CAPZA1: variants seen among roughly 807,000 people sequenced by gnomAD.
CAPZA1 encodes F-actin-capping protein subunit alpha-1.
A neutral mutation model predicts 40.8 loss-of-function variants in CAPZA1; 10 were observed. That is an observed-to-expected ratio of 0.25 (90% CI 0.15 to 0.42). The LOEUF (loss-of-function observed/expected upper bound fraction) is 0.42, where lower values mean the gene tolerates loss of function less well. CAPZA1 is among the 10% of genes least tolerant of loss of function. The probability of loss-of-function intolerance (pLI) is 1.00; values close to 1 mark genes in which losing one functional copy is unlikely to be tolerated. For missense variants in CAPZA1, 277 were observed against 353.8 expected, an observed-to-expected ratio of 0.78 and a Z score of 1.74; for synonymous variants, 98 against 115.0, an observed-to-expected ratio of 0.85 and a Z score of 0.95.
chr1:112,657,891 C>T (rs1038771918), intron 5 of CAPZA1, among the ~76,000 whole-genome samples: 1 of 152,158 alleles, frequency 6.6e-6, no homozygotes, highest in African/African-American at 2.4e-5. Context: ...TGCACCCAGC[C>T]CCCTAATTAT....
chr1:112,638,700 T>G (rs887769443), intron 1 of CAPZA1, among the ~76,000 whole-genome samples: 1 of 151,794 alleles, frequency 6.6e-6, no homozygotes, highest in Non-Finnish European at 1.5e-5. Flanking sequence ...TTTGGGAGAC[T>G]GAAGCAGGTG....
chr1:112,643,515 T>C (rs1356874892), intron 1 of CAPZA1, among the ~76,000 whole-genome samples: 1 of 152,214 alleles, frequency 6.6e-6, no homozygotes, highest in Admixed American at 6.5e-5. Flanking sequence ...CTTCCAAGTC[T>C]TAAAAAATGT....
At chr1:112,625,605 T>C (rs189770047) in intron 1 of CAPZA1, among the ~76,000 whole-genome samples, 41 of 152,328 alleles carry the variant, frequency 2.7e-4, no homozygotes, top group African/African-American at 9.6e-4. Context: ...CTGGAAGGGA[T>C]AAGCAGTGAT....
chr1:112,662,395 C>CTTTTTTTTTTTTTTTTT (rs35100851), intron 7 of CAPZA1, among the ~76,000 whole-genome samples: 5 of 97,260 alleles, frequency 5.1e-5, no homozygotes, highest in Non-Finnish European at 9.6e-5. Flanking sequence ...TAGAATTTTT[C>CTTTTTTTTTTTTTTTTT]TTTTTTTTTT....
At chr1:112,658,302 C>T (rs1476377062) in intron 5 of CAPZA1, among the ~76,000 whole-genome samples, 1 of 152,102 alleles carries the variant, frequency 6.6e-6, no homozygotes, top group East Asian at 1.9e-4. Context: ...TTGTTAATGA[C>T]ACCACCATCT....
At chr1:112,666,741 T>C (rs1431567123) in intron 7 of CAPZA1, among the ~76,000 whole-genome samples, 1 of 152,234 alleles carries the variant, frequency 6.6e-6, no homozygotes, top group East Asian at 1.9e-4. Context: ...GTTTAATAAC[T>C]TTAATTATTT....
intron 8 of CAPZA1, among the ~76,000 whole-genome samples, chr1:112,668,814 A>C (rs1380909634): frequency 6.6e-6 from 1 of 152,216 alleles, no homozygotes; most frequent in Non-Finnish European, 1.5e-5. Flanking sequence ...AAAGTGATAA[A>C]GTCATCACAC....
chr1:112,668,007 C>T (rs192510212), intron 8 of CAPZA1, among the ~76,000 whole-genome samples: 58 of 151,792 alleles, frequency 3.8e-4, no homozygotes, highest in African/African-American at 1.2e-3. Flanking sequence ...AAGTGTGGGC[C>T]GGGAGTGGTG....
At chr1:112,658,931 C>T (rs566163526) in intron 5 of CAPZA1, 91 bp from the exon 6 acceptor site, 76 of 923,182 alleles carry the variant, frequency 8.2e-5, no homozygotes, top group Non-Finnish European at 1.3e-4. Context: ...TTTGTCTCCC[C>T]CAAGGATTTA....
intron 8 of CAPZA1, among the ~76,000 whole-genome samples, chr1:112,668,996 G>T (rs914121122): frequency 6.6e-6 from 1 of 152,162 alleles, no homozygotes; most frequent in Non-Finnish European, 1.5e-5. Context: ...CTTTAATTCT[G>T]TTGTACTTAA....
chr1:112,648,837 C>T (rs566584736), intron 2 of CAPZA1, among the ~76,000 whole-genome samples: 39 of 152,096 alleles, frequency 2.6e-4, no homozygotes, highest in East Asian at 5.8e-4. Flanking sequence ...GTGGCAGGTG[C>T]GTGTAATCCC....
At position 112,659,916 on chromosome 1, in the gene CAPZA1, C is replaced by T. The variant is rs548862836; in HGVS notation, c.585+137C>T. ...GGCAGTGAATAGAAATAGAAGCCTCCTTCTTGGGGTGGTAAACAGAGAGAG... is the reference window on the plus strand; with the variant it reads ...GGCAGTGAATAGAAATAGAAGCCTCTTTCTTGGGGTGGTAAACAGAGAGAG... On this transcript the variant is annotated intron_variant, in intron 7 of 9. Transcript: ENST00000263168. 320 of 652,304 alleles carry T rather than the reference C, an allele frequency of 4.9e-4. 5 individuals carry two copies. The highest frequency in any genetic ancestry group is 4.6e-3 in the South Asian group (246 of 53,648). 40.4% of individuals were successfully genotyped at this position (652,304 alleles called of 1,614,324 possible). A position where few individuals can be genotyped will look rare whatever the true frequency, so the allele number is the denominator to read the frequency against.
At position 112,662,168 on chromosome 1, in the gene CAPZA1, G is replaced by T. The variant is rs116763322; in HGVS notation, c.585+2389G>T. On this transcript the variant is annotated intron_variant, in intron 7 of 9. Transcript: ENST00000263168. ...TCTGTCACCTAGGCTGGAGTGCAGT[G>T]GTGCTTTCATAGCTCACTGCAACCT... Among the ~76,000 whole-genome samples the T allele has an allele frequency of 8.6e-3, 1,304 of 152,086 alleles. 12 individuals carry two copies. Among genetic ancestry groups the T allele is most frequent in the Non-Finnish European group, 0.014 (974 of 67,990 alleles).
rs1443474007 is a variant in CAPZA1, at chr1:112,663,655, C to T, written c.586-3419C>T. On this transcript the variant is annotated intron_variant, in intron 7 of 9. Coordinates refer to ENST00000263168, the MANE Select transcript of CAPZA1 (RefSeq NM_006135.3). ...TAGCTGGGATTACAGGCACCTGCCA[C>T]CATGCCTGCCTAATTTTTTTTGTAT... Among the ~76,000 whole-genome samples, 3 of 152,062 alleles carry T rather than the reference C, an allele frequency of 2.0e-5. No individual in the cohort carries two copies. In the East Asian group the frequency reaches 5.8e-4, roughly 30 times the overall value.
In CAPZA1 at chr1:112,667,128, G is replaced by A; in HGVS notation, c.640G>A (p.Asp214Asn). Residue 214 changes from aspartate to asparagine, a missense_variant, in exon 8 of 10, where the codon GAT (aspartate) becomes AAT (asparagine). Transcript: ENST00000263168. ...GTTGGTTAGTCATAAAGATGTACAG[G>A]ATTCACTAACTGTTTCGGTGAGTAT... ...VQLVSHKDVQDSLTVSNEAQT... is the reference protein window; with the variant it reads ...VQLVSHKDVQNSLTVSNEAQT... 6.2e-7 allele frequency: 1 copy of A among 1,609,142 alleles called. No individual in the cohort carries two copies. The highest frequency in any genetic ancestry group is 8.5e-7 in the Non-Finnish European group (1 of 1,176,504).
At chr1:112,654,699 G>A (rs1168558542) in intron 5 of CAPZA1, 28 bp downstream of exon 5, 1 of 1,480,502 alleles carries the variant, frequency 6.8e-7, no homozygotes, top group Non-Finnish European at 9.2e-7. Context: ...TTCGTTATCA[G>A]AGAGTGTTTT....
At chr1:112,669,498 C>G in intron 8 of CAPZA1, 45 bp from the exon 9 acceptor site, 1 of 1,326,822 alleles carries the variant, frequency 7.5e-7, no homozygotes, top group Non-Finnish European at 1.1e-6. Flanking sequence ...ACTGCTTACA[C>G]ATTAAAAAAA....
chr1:112,643,230 G>A (rs1378386224), intron 1 of CAPZA1, among the ~76,000 whole-genome samples: 2 of 152,250 alleles, frequency 1.3e-5, no homozygotes, highest in South Asian at 2.1e-4. Context: ...TTATTGTAAC[G>A]GTTAGTCCTA....
intron 6 of CAPZA1, 178 bp from the exon 7 acceptor site, chr1:112,659,523 C>T (rs1671560125): frequency 1.7e-6 from 1 of 588,188 alleles, no homozygotes; most frequent in African/African-American, 1.9e-5. Flanking sequence ...TAGATCCAGA[C>T]TTACATTTGA....
Sources: gnomAD v4.1 joint callset for allele counts (sites outside exome capture counted in the v4.1 genomes callset) on GRCh38, gnomAD v4.1.1 for gene constraint, MANE v1.5 for transcripts, NCBI Gene and HGNC (gene_info 2026-07-23, HGNC 2026-07-21) for gene names.